KIF26B: variants seen among roughly 807,000 people sequenced by gnomAD.
The protein encoded by KIF26B is kinesin-like protein KIF26B.
In KIF26B, 63 loss-of-function variants were observed where a neutral mutation model predicts 151.2. The ratio of observed to expected loss-of-function variants is 0.42; its 90% CI spans 0.34 to 0.51. The LOEUF is 0.51. KIF26B is among the 20% of genes least tolerant of loss of function. KIF26B has a pLI of 0.07. For missense variants in KIF26B, 2,813 were observed against 2,913.6 expected (o/e 0.97, Z 0.79); for synonymous variants, 1,357 against 1,262.1 (o/e 1.08, Z -1.59).
intron 2 of KIF26B, among the ~76,000 whole-genome samples, chr1:245,325,277 G>A (rs997917679): frequency 6.6e-6 from 1 of 151,990 alleles, no homozygotes; most frequent in African/African-American, 2.4e-5. Context: ...TGCAAAAATA[G>A]GCAGTTTCAT....
At position 245,688,126 on chromosome 1, in the gene KIF26B, G is replaced by T; in HGVS notation, c.5143G>T (p.Gly1715Trp). The T allele has an allele frequency of 6.3e-7, 1 of 1,580,824 alleles. No homozygotes were observed. Among genetic ancestry groups the T allele is most frequent in the East Asian group, 2.3e-5 (1 of 43,544 alleles). ...GGGGAGGAGCCTGGGCCGCAGCGCC[G>T]GGACCTCGCCCCCCAGCTCCGGGGC... ...RAGRSLGRSA[G>W]TSPPSSGASP... The change falls in exon 12 of 15, where the codon GGG becomes TGG. Residue 1715 changes from glycine to tryptophan, a missense_variant. By Grantham distance (184) the Gly-to-Trp change is radical. Around this residue, in one of 3 missense-constraint regions of KIF26B, gnomAD observed 2,060 missense variants for 2,088.6 expected, o/e 0.99. Coordinates refer to ENST00000407071, the MANE Select transcript of KIF26B (RefSeq NM_018012.4).
rs548178871 is a variant in KIF26B, at chr1:245,529,098, G to C, written c.1167-11669G>C. ...TTTGCAGATGGCGTCTTAGTCATTA[G>C]TAAGGCCGCTCCATCGGAGTCCCCG... is the stretch of plus-strand genomic sequence containing the variant. On this transcript the variant is annotated intron_variant, in intron 4 of 14. Transcript: ENST00000407071. 1.2e-4 allele frequency among the ~76,000 whole-genome samples: 19 copies of C among 152,308 alleles called. No homozygotes were observed. The South Asian group carries it at 3.7e-3, about 30-fold the overall frequency.
intron 2 of KIF26B, among the ~76,000 whole-genome samples, chr1:245,214,650 G>A (rs984460581): frequency 6.6e-6 from 1 of 152,008 alleles, no homozygotes; most frequent in African/African-American, 2.4e-5. Flanking sequence ...ACCAGCCTGG[G>A]CAACATGGTG....
rs1447777255 is a variant in KIF26B at position 245,156,277 on chromosome 1, C to T, written c.64-5C>T. The T allele has an allele frequency of 1.3e-6, 2 of 1,545,560 alleles. No individual in the cohort carries two copies. Among genetic ancestry groups the T allele is most frequent in the Non-Finnish European group, 1.7e-6 (2 of 1,145,620 alleles). On this transcript the variant is annotated splice_region_variant and splice_polypyrimidine_tract_variant and intron_variant, in intron 1 of 14. Transcript: ENST00000407071. ...GCCCCTGACACCGGCGTGTCTTCCC[C>T]GCAGGTGAATGAAGTCTGCTCGCCC...
At chr1:245,678,167 A>T (rs1052586666) in intron 10 of KIF26B, among the ~76,000 whole-genome samples, 1 of 152,012 alleles carries the variant, frequency 6.6e-6, no homozygotes, top group Non-Finnish European at 1.5e-5. Flanking sequence ...GTCAGCGTGT[A>T]TTTCAAAGCC....
intron 2 of KIF26B, among the ~76,000 whole-genome samples, chr1:245,350,037 G>A (rs1672532583): frequency 6.7e-6 from 1 of 150,066 alleles, no homozygotes; most frequent in Admixed American, 6.7e-5. Flanking sequence ...AGTGCAGAGA[G>A]TATATATATA....
chr1:245,642,452 T>G (rs1327984773), intron 9 of KIF26B, among the ~76,000 whole-genome samples: 3 of 150,966 alleles, frequency 2.0e-5, no homozygotes, highest in South Asian at 2.1e-4. Context: ...TCCTAGCTAC[T>G]CGGGAGGCTG....
intron 2 of KIF26B, among the ~76,000 whole-genome samples, chr1:245,303,962 C>T (rs1277149535): frequency 2.0e-5 from 3 of 152,216 alleles, no homozygotes; most frequent in African/African-American, 4.8e-5. Flanking sequence ...TGATACTTCT[C>T]GAGTTAATGA....
At chr1:245,672,511 C>T (rs943078592) in intron 10 of KIF26B, among the ~76,000 whole-genome samples, 1 of 152,216 alleles carries the variant, frequency 6.6e-6, no homozygotes, top group African/African-American at 2.4e-5. Flanking sequence ...GTCATCCCTC[C>T]TGGAAGGTTA....
At chr1:245,491,369 T>C (rs930874454) in intron 4 of KIF26B, among the ~76,000 whole-genome samples, 3 of 152,242 alleles carry the variant, frequency 2.0e-5, no homozygotes, top group African/African-American at 4.8e-5. Flanking sequence ...TTGTCTGTTA[T>C]GCTGATACAA....
intron 3 of KIF26B, among the ~76,000 whole-genome samples, chr1:245,415,845 C>T (rs977302292): frequency 6.7e-6 from 1 of 149,262 alleles, no homozygotes; most frequent in African/African-American, 2.5e-5. Flanking sequence ...GTTGTTCATA[C>T]GAATGAATGA....
intron 10 of KIF26B, among the ~76,000 whole-genome samples, chr1:245,656,207 G>A (rs2044071791): frequency 7.0e-6 from 1 of 143,834 alleles, no homozygotes; most frequent in Admixed American, 7.2e-5. Context: ...ACGCACATCA[G>A]CGCTGAATCG....
intron 4 of KIF26B, among the ~76,000 whole-genome samples, chr1:245,539,138 T>C (rs1242532881): frequency 2.6e-5 from 4 of 152,166 alleles, no homozygotes; most frequent in Non-Finnish European, 5.9e-5. Flanking sequence ...TCCTCACATA[T>C]CTCTTCCCCC....
intron 2 of KIF26B, among the ~76,000 whole-genome samples, chr1:245,279,306 CTTTT>C (rs5782332): frequency 7.5e-6 from 1 of 132,632 alleles, no homozygotes; most frequent in Admixed American, 7.6e-5. Context: ...TTTTTTCTTT[CTTTT>C]TTTTTTTTTT....
Position 245,347,427 on chromosome 1 carries a change from C to G in KIF26B, c.466-19407C>G, listed in dbSNP as rs115061557. Among the ~76,000 whole-genome samples, 436 of 152,148 alleles carry G rather than the reference C, an allele frequency of 2.9e-3. 2 individuals are homozygous for G. Among genetic ancestry groups the G allele is most frequent in the Non-Finnish European group, 4.4e-3 (300 of 68,012 alleles). ...CCTTGAACTCCTGGGCTCAAGTCAT[C>G]CTCCTTCATCAGCCTCCAAAGTAGC... On this transcript the variant is annotated intron_variant, in intron 2 of 14. Coordinates refer to ENST00000407071, the MANE Select transcript of KIF26B (RefSeq NM_018012.4).
At chr1:245,242,883 A>C (rs557867431) in intron 2 of KIF26B, among the ~76,000 whole-genome samples, 28 of 152,026 alleles carry the variant, frequency 1.8e-4, no homozygotes, top group South Asian at 1.2e-3. Flanking sequence ...AACTCCTGAC[A>C]TCATGATCTG....
chr1:245,349,146 T>G (rs1456492567), intron 2 of KIF26B, among the ~76,000 whole-genome samples: 2 of 152,194 alleles, frequency 1.3e-5, no homozygotes, highest in Non-Finnish European at 2.9e-5. Context: ...TCGATAAATA[T>G]TCTGTTGAAT....
At chr1:245,372,293 A>G (rs1457298125) in intron 3 of KIF26B, among the ~76,000 whole-genome samples, 1 of 152,080 alleles carries the variant, frequency 6.6e-6, no homozygotes, top group East Asian at 1.9e-4. Context: ...TCCGCGCCCT[A>G]TTTGTCTGCC....
At chr1:245,671,109 T>C (rs1448136671) in intron 10 of KIF26B, among the ~76,000 whole-genome samples, 1 of 152,222 alleles carries the variant, frequency 6.6e-6, no homozygotes, top group Non-Finnish European at 1.5e-5. Flanking sequence ...TGTTTGTCTT[T>C]CTGTTCCTGG....
Sources: allele counts gnomAD v4.1 joint callset (sites outside exome capture counted in the v4.1 genomes callset), GRCh38; gene constraint gnomAD v4.1.1; regional missense constraint gnomAD v4.1.1; transcripts MANE v1.5; gene names NCBI Gene and HGNC (gene_info 2026-07-23, HGNC 2026-07-21).